Variants in NRG1 observed in about 807,000 individuals in gnomAD.
NRG1 encodes pro-neuregulin-1, membrane-bound isoform.
A neutral mutation model predicts 63.8 loss-of-function variants in NRG1; 18 were observed. That is an observed-to-expected ratio of 0.28 (90% CI 0.19 to 0.42). The LOEUF is 0.42. Among genes scored for constraint, NRG1 ranks in the 10% least tolerant of loss-of-function variants. The pLI, the probability that NRG1 is intolerant of heterozygous loss-of-function variation, is 1.00. For missense variants in NRG1, 762 were observed against 814.7 expected (o/e 0.94, Z 0.79); for synonymous variants, 302 against 301.3 (o/e 1.00, Z -0.02).
intron 1 of NRG1, among the ~76,000 whole-genome samples, chr8:32,095,457 T>G: frequency 6.6e-6 from 1 of 152,256 alleles, no homozygotes; most frequent in East Asian, 1.9e-4. Context: ...GAAATGAATC[T>G]AAATTCTTTT....
rs1019171204 is a variant in NRG1, at chr8:32,265,736, G to C, written c.38-330092G>C. On this transcript the variant is annotated intron_variant, in intron 1 of 10. Coordinates refer to the NRG1 transcript ENST00000519301. ...CATGCATCTGTAGACCCAGCTACTG[G>C]GGAGGCTGAGATGGGAGGATCACTT... Among the ~76,000 whole-genome samples, 10 of 151,886 alleles carry C rather than the reference G, an allele frequency of 6.6e-5. No homozygotes were observed. In the South Asian group the frequency reaches 1.2e-3, roughly 19 times the overall value.
chr8:31,998,792 A>G (rs2129633791), intron 1 of NRG1, among the ~76,000 whole-genome samples: 1 of 152,138 alleles, frequency 6.6e-6, no homozygotes, highest in African/African-American at 2.4e-5. Context: ...CCCTGTCCCA[A>G]AGAATTGATT....
intron 5 of NRG1, among the ~76,000 whole-genome samples, chr8:32,704,778 G>A (rs1412132077): frequency 6.6e-6 from 1 of 152,108 alleles, no homozygotes; most frequent in Non-Finnish European, 1.5e-5. Context: ...TCAAGTCATA[G>A]TGCAAACAAA....
chr8:32,722,620 A>G (rs1820933212), intron 5 of NRG1, among the ~76,000 whole-genome samples: 1 of 152,208 alleles, frequency 6.6e-6, no homozygotes, highest in African/African-American at 2.4e-5. Flanking sequence ...ATTACAGTCT[A>G]CATGCTATGG....
intron 1 of NRG1, among the ~76,000 whole-genome samples, chr8:32,332,867 G>T (rs1376019998): frequency 6.6e-6 from 1 of 152,098 alleles, no homozygotes; most frequent in Non-Finnish European, 1.5e-5. Flanking sequence ...GGTAAAAATT[G>T]CTTTTTAATG....
At chr8:32,092,316 GC>G (rs1829280974) in intron 1 of NRG1, among the ~76,000 whole-genome samples, 1 of 151,734 alleles carries the variant, frequency 6.6e-6, no homozygotes, top group Non-Finnish European at 1.5e-5. Flanking sequence ...ACTTAGCTGG[GC>G]CTGGTGGTGT....
At chr8:31,978,058 T>G (rs572899598) in intron 1 of NRG1, among the ~76,000 whole-genome samples, 1 of 152,062 alleles carries the variant, frequency 6.6e-6, no homozygotes, top group South Asian at 2.1e-4. Flanking sequence ...ACACAAAAGA[T>G]CACTAGCAAA....
In NRG1 at chr8:32,704,124, T is replaced by C. The variant is rs117005420; in HGVS notation, c.503-23825T>C. Among the ~76,000 whole-genome samples the C allele has an allele frequency of 3.7e-3, 566 of 152,318 alleles. 2 individuals are homozygous for C. The highest frequency in any genetic ancestry group is 5.3e-3 in the Non-Finnish European group (361 of 68,030). ...GCCTACCAGATATCATAGCAAGGAA[T>C]GATATATGCAAGGTGTGTTAAAGGC... On this transcript the variant is annotated intron_variant, in intron 5 of 11. Transcript: ENST00000356819.
intron 1 of NRG1, among the ~76,000 whole-genome samples, chr8:32,486,379 T>C (rs979362547): frequency 6.6e-6 from 1 of 152,148 alleles, no homozygotes; most frequent in African/African-American, 2.4e-5. Context: ...AGCTGCCCTT[T>C]AAGAATCCAT....
chr8:32,320,920 T>C (rs1361726093), intron 1 of NRG1, among the ~76,000 whole-genome samples: 1 of 152,176 alleles, frequency 6.6e-6, no homozygotes, highest in African/African-American at 2.4e-5. Context: ...TGGTGATATA[T>C]TGCTACAGCA....
chr8:32,023,170 A>G (rs949358795), intron 1 of NRG1, among the ~76,000 whole-genome samples: 1 of 152,222 alleles, frequency 6.6e-6, no homozygotes, highest in African/African-American at 2.4e-5. Context: ...AACTGATTTT[A>G]GTTATGTAAT....
chr8:32,046,837 C>T (rs1821080705), intron 1 of NRG1, among the ~76,000 whole-genome samples: 2 of 151,974 alleles, frequency 1.3e-5, no homozygotes, highest in Non-Finnish European at 2.9e-5. Context: ...AGCTGTTCCA[C>T]ATCTTGATTC....
At chr8:32,253,141 A>G (rs1849310442) in intron 1 of NRG1, among the ~76,000 whole-genome samples, 1 of 152,210 alleles carries the variant, frequency 6.6e-6, no homozygotes, top group Admixed American at 6.5e-5. Context: ...TCATCTACAA[A>G]CAGAGACAAT....
intron 1 of NRG1, among the ~76,000 whole-genome samples, chr8:31,834,307 G>GCGCACACACACA (rs1554547025): frequency 4.2e-5 from 5 of 119,432 alleles, no homozygotes; most frequent in African/African-American, 1.9e-4. Flanking sequence ...GCGCACGCGC[G>GCGCACACACACA]CACACACACA....
chr8:32,770,195 T>C (rs1831690209), downstream of NRG1, among the ~76,000 whole-genome samples: 1 of 152,200 alleles, frequency 6.6e-6, no homozygotes, highest in South Asian at 2.1e-4. Context: ...ATGTATAGAT[T>C]TGCTAATACA....
chr8:32,366,955 G>A (rs1337135316), intron 1 of NRG1, among the ~76,000 whole-genome samples: 1 of 151,780 alleles, frequency 6.6e-6, no homozygotes, highest in Admixed American at 6.6e-5. Flanking sequence ...CAGGTGATCT[G>A]CCTGCCTTGG....
chr8:32,732,314 A>G (rs894152611), intron 6 of NRG1, among the ~76,000 whole-genome samples: 4 of 152,238 alleles, frequency 2.6e-5, no homozygotes, highest in Admixed American at 2.6e-4. Context: ...ACATGAAATC[A>G]AACATGAAAT....
At chr8:31,794,408 A>G (rs924438384) in intron 1 of NRG1, among the ~76,000 whole-genome samples, 3 of 151,750 alleles carry the variant, frequency 2.0e-5, no homozygotes, top group African/African-American at 7.3e-5. Context: ...TATAAATGAT[A>G]CAAAGATAAT....
At chr8:32,484,039 C>G (rs1409335813) in intron 1 of NRG1, among the ~76,000 whole-genome samples, 1 of 151,354 alleles carries the variant, frequency 6.6e-6, no homozygotes, top group Non-Finnish European at 1.5e-5. Context: ...GGAGGCGGAG[C>G]TTGCAGTGAG....
Sources: allele counts gnomAD v4.1 joint callset (sites outside exome capture counted in the v4.1 genomes callset), GRCh38; gene constraint gnomAD v4.1.1; transcripts MANE v1.5; gene names NCBI Gene and HGNC (gene_info 2026-07-23, HGNC 2026-07-21).